Variants in TAF1D observed in about 807,000 individuals in gnomAD.
The protein encoded by TAF1D is TATA box-binding protein-associated factor RNA polymerase I subunit D.
In TAF1D, 23 loss-of-function variants were observed where a neutral mutation model predicts 26.2. The ratio of observed to expected loss-of-function variants is 0.88; its 90% CI spans 0.63 to 1.25. TAF1D has a LOEUF of 1.25. Ranked by LOEUF, TAF1D falls within the 50% of genes most tolerant of loss-of-function variation. The pLI is 0.00. For missense variants in TAF1D, 299 were observed against 322.0 expected (o/e 0.93, Z 0.55); for synonymous variants, 100 against 105.6 (o/e 0.95, Z 0.33).
chr11:93,736,894 T>C, intron 4 of TAF1D, 143 bp from the exon 5 acceptor site: 6 of 1,122,106 alleles, frequency 5.3e-6, no homozygotes, highest in Non-Finnish European at 7.5e-6. Context: ...TGGAGAATTC[T>C]AGATGAACGG....
chr11:93,739,212 A>C, intron 2 of TAF1D, 25 bp downstream of exon 2: 1 of 1,556,394 alleles, frequency 6.4e-7, no homozygotes, highest in South Asian at 1.1e-5. Flanking sequence ...ATTCAGATAC[A>C]ATAAACATGA....
In TAF1D at chr11:93,730,263, A is replaced by G. The variant is rs757142300; in HGVS notation, c.*1188T>C. ...TAGAGAAACTTCGAGCCAAAAATAC[A>G]TGCTGACTTTCTAGAAATAGTGTAA... On this transcript the variant is annotated 3_prime_UTR_variant and NMD_transcript_variant, in exon 12 of 12. Coordinates refer to the TAF1D transcript ENST00000323981. 4.3e-5 allele frequency: 67 copies of G among 1,547,824 alleles called. 1 individual carries two copies. In the Middle Eastern group the frequency reaches 2.9e-3, roughly 67 times the overall value.
At chr11:93,736,477 AT>A (rs1940791089) in intron 5 of TAF1D, 173 bp from the exon 6 acceptor site, 6 of 1,425,066 alleles carry the variant, frequency 4.2e-6, no homozygotes, top group Non-Finnish European at 5.5e-6. Flanking sequence ...TAGCAATAAT[AT>A]GTATCAGAAT....
Position 93,735,670 on chromosome 11 carries a change from A to T in TAF1D, c.*491T>A. The T allele has an allele frequency of 2.0e-6, 2 of 1,000,190 alleles. No homozygotes were observed. The highest frequency in any genetic ancestry group is 2.4e-6 in the Non-Finnish European group (2 of 838,704). 62.0% of individuals were successfully genotyped at this position (1,000,190 alleles called of 1,614,324 possible). ...GGTGACAGATCGAGACTCTGTCTAA[A>T]AAAAATAGTATTAAAGATACTCTAA... On this transcript the variant is annotated 3_prime_UTR_variant, in exon 6 of 6. Transcript: ENST00000448108.
exon 12 of TAF1D, chr11:93,730,324 AATT>A (rs1419560553): frequency 5.0e-6 from 6 of 1,211,890 alleles, no homozygotes; most frequent in Non-Finnish European, 7.1e-6. Flanking sequence ...CATTAGACAA[AATT>A]ATTTAAAGTC....
rs1940722536 is a variant in TAF1D, at chr11:93,736,311, A to C, written c.694-7T>G. On this transcript the variant is annotated splice_region_variant and splice_polypyrimidine_tract_variant and intron_variant, in intron 5 of 5. Coordinates refer to ENST00000448108, the MANE Select transcript of TAF1D (RefSeq NM_024116.4). ...TTACTATGAAACTATCCCCCTGCAT[A>C]AAACAAACAAAAAATCATGGATTAA... 2 of 1,591,142 alleles carry C rather than the reference A, an allele frequency of 1.3e-6. No homozygotes were observed. Among genetic ancestry groups the C allele is most frequent in the East Asian group, 4.5e-5 (2 of 44,426 alleles).
At chr11:93,731,131 G>A (rs754937326), downstream of TAF1D, 2 of 491,300 alleles carry the variant, frequency 4.1e-6, no homozygotes, top group South Asian at 3.0e-5. Context: ...TTATAGTTAA[G>A]ATAAAAACCA....
At chr11:93,739,964 A>AAC (rs778330953) in intron 1 of TAF1D, among the ~76,000 whole-genome samples, 1 of 140,604 alleles carries the variant, frequency 7.1e-6, no homozygotes, top group South Asian at 2.2e-4. Flanking sequence ...AACATACCAA[A>AAC]AAAAAAAAAA....
chr11:93,735,035 T>G (rs1000823478), downstream of TAF1D: 1 of 1,269,100 alleles, frequency 7.9e-7, no homozygotes, highest in Non-Finnish European at 1.0e-6. Flanking sequence ...ATTGCAGGCT[T>G]GACCCATTGC....
In TAF1D at chr11:93,735,687, A is replaced by G; in HGVS notation, c.*474T>C. On this transcript the variant is annotated 3_prime_UTR_variant, in exon 6 of 6. Coordinates refer to ENST00000448108, the MANE Select transcript of TAF1D (RefSeq NM_024116.4). ...CTGTCTAAAAAAAATAGTATTAAAG[A>G]TACTCTAAATTTGGAAAGGGAAATG... 1 of 1,006,384 alleles carries G rather than the reference A, an allele frequency of 9.9e-7. No homozygotes were observed. Among genetic ancestry groups the G allele is most frequent in the Non-Finnish European group, 1.2e-6 (1 of 843,014 alleles). The allele number at this position is 1,006,384 out of a possible 1,614,324, so 62.3% of individuals were successfully genotyped here. A position where few individuals can be genotyped will look rare whatever the true frequency, so the allele number is the denominator to read the frequency against.
At chr11:93,730,810 C>T, downstream of TAF1D, 1 of 402,132 alleles carries the variant, frequency 2.5e-6, no homozygotes, top group Non-Finnish European at 4.9e-6. Flanking sequence ...TGAGTTAACT[C>T]TACTACAAAC....
chr11:93,733,988 T>G (rs1210142356), downstream of TAF1D: 1 of 152,312 alleles, frequency 6.6e-6, no homozygotes, highest in Non-Finnish European at 1.5e-5. Context: ...AGAGGAATGA[T>G]AAATAAAAAG....
downstream of TAF1D, chr11:93,730,973 T>C (rs370331779): frequency 1.0e-4 from 52 of 508,002 alleles, no homozygotes; most frequent in Middle Eastern, 1.6e-3. Flanking sequence ...TCTATTACAG[T>C]TAATCAACTG....
At chr11:93,730,238 TAGAG>T in exon 12 of TAF1D, 1 of 1,551,116 alleles carries the variant, frequency 6.4e-7, no homozygotes, top group Non-Finnish European at 8.7e-7. Flanking sequence ...CAGAAAACAC[TAGAG>T]AAACTTCGAG....
chr11:93,736,349 AT>A, intron 5 of TAF1D, 45 bp from the exon 6 acceptor site: 8 of 1,557,624 alleles, frequency 5.1e-6, no homozygotes, highest in Non-Finnish European at 6.9e-6. Context: ...AATAACTCAA[AT>A]AGTTTAGTAA....
chr11:93,733,467 A>G, downstream of TAF1D: 1 of 518,542 alleles, frequency 1.9e-6, no homozygotes, highest in Non-Finnish European at 3.8e-6. Context: ...ACTTTTAGCA[A>G]CTGTCTTGTA....
downstream of TAF1D, chr11:93,735,272 C>A (rs750461524): frequency 1.7e-5 from 22 of 1,304,952 alleles, no homozygotes; most frequent in Non-Finnish European, 2.1e-5. Context: ...GTAGTCAGCT[C>A]TATCGTGGTG....
chr11:93,731,868 A>C (rs1939025709), downstream of TAF1D: 2 of 369,326 alleles, frequency 5.4e-6, no homozygotes, highest in Admixed American at 7.1e-5. Flanking sequence ...AATGTATACC[A>C]CATTACAATG....
downstream of TAF1D, chr11:93,733,227 G>A (rs1283674275): frequency 1.9e-6 from 1 of 519,074 alleles, no homozygotes; most frequent in South Asian, 1.4e-5. Context: ...GCCATATCCA[G>A]CTCTGTCAGA....
Sources: allele counts gnomAD v4.1 joint callset (sites outside exome capture counted in the v4.1 genomes callset), GRCh38; gene constraint gnomAD v4.1.1; transcripts MANE v1.5; gene names NCBI Gene and HGNC (gene_info 2026-07-23, HGNC 2026-07-21).